Variants in NRG2 observed in about 807,000 individuals in gnomAD.
NRG2 encodes the protein neuregulin 2.
NRG2 carries 27 observed loss-of-function variants against 73.9 expected under a neutral mutation model. That is an observed-to-expected ratio of 0.37 (90% confidence interval 0.27 to 0.50). The LOEUF is 0.50. Among genes scored for constraint, NRG2 ranks in the 20% least tolerant of loss-of-function variants. NRG2 has a pLI of 0.96. For synonymous variants in NRG2, 532 were observed against 541.0 expected (o/e 0.98, Z 0.23); for missense variants, 1,126 against 1,210.1 (o/e 0.93, Z 1.03).
At chr5:140,011,463 T>C (rs1232979476) in intron 1 of NRG2, among the ~76,000 whole-genome samples, 1 of 152,168 alleles carries the variant, frequency 6.6e-6, no homozygotes, top group African/African-American at 2.4e-5. Context: ...ACAAAAGTGA[T>C]GGGAGGTCAG....
chr5:139,926,808 C>T (rs924732347), intron 1 of NRG2, among the ~76,000 whole-genome samples: 2 of 152,140 alleles, frequency 1.3e-5, no homozygotes, highest in Admixed American at 6.5e-5. Context: ...GTAAATCTGT[C>T]CAGCGATTGA....
At position 139,989,755 on chromosome 5, in the gene NRG2, GTTT is replaced by G. The variant is rs34260990; in HGVS notation, c.700+52612_700+52614del. Among the ~76,000 whole-genome samples, 182 of 114,268 alleles carry G rather than the reference GTTT, an allele frequency of 1.6e-3. 4 individuals carry two copies. Among genetic ancestry groups the G allele is most frequent in the Non-Finnish European group, 1.5e-3 (87 of 59,974 alleles). 75.0% of individuals were successfully genotyped at this position (114,268 alleles called of 152,430 possible). A position where few individuals can be genotyped will look rare whatever the true frequency, so the allele number is the denominator to read the frequency against. On this transcript the variant is annotated intron_variant, in intron 1 of 9. Coordinates refer to ENST00000361474, the MANE Select transcript of NRG2 (RefSeq NM_004883.3). ...ATGGGCATTGAAGATTTTTTGCTAG[GTTT>G]TTATTATTATTATTATTATTTATTT...
Position 139,848,165 on chromosome 5 carries a change from A to G in NRG2, c.2305T>C (p.Ser769Pro). 1 of 1,433,904 alleles carries G rather than the reference A, an allele frequency of 7.0e-7. No individual in the cohort carries two copies. The highest frequency in any genetic ancestry group is 9.1e-7 in the Non-Finnish European group (1 of 1,100,324). 88.8% of individuals were successfully genotyped at this position (1,433,904 alleles called of 1,614,324 possible). ...ARDSLSLSSGSGGGSASASDD... is the reference protein window; with the variant it reads ...ARDSLSLSSGPGGGSASASDD... ...GACGCCGAGGCTGAGCCGCCGCCCGAGCCGCTGCTCAGCGACAGCGAGTCC... is the reference window on the plus strand; with the variant it reads ...GACGCCGAGGCTGAGCCGCCGCCCGGGCCGCTGCTCAGCGACAGCGAGTCC... Residue 769 changes from serine (S) to proline (P), a missense_variant, in exon 10 of 10, where the codon TCG (serine) becomes CCG (proline). Ser to Pro is a moderately conservative substitution (Grantham distance 74, BLOSUM62 -1). Around this residue, in one of 3 missense-constraint regions of NRG2, gnomAD observed 402 missense variants for 357.8 expected, o/e 1.12. Coordinates refer to ENST00000361474, the MANE Select transcript of NRG2 (RefSeq NM_004883.3).
chr5:139,871,926 A>C lies in NRG2; in HGVS notation c.992-85T>G, dbSNP rs185634127. On this transcript the variant is annotated intron_variant, in intron 3 of 9. Coordinates refer to ENST00000361474, the MANE Select transcript of NRG2 (RefSeq NM_004883.3). ...TCATCTCCTTCATGCCCCACGTCAA[A>C]ACTGGAAGATGACCAGAGGCTGCAG... is the stretch of plus-strand genomic sequence containing the variant. The C allele has an allele frequency of 3.8e-5, 59 of 1,537,944 alleles. No individual in the cohort carries two copies. The East Asian group carries it at 6.8e-4, about 18-fold the overall frequency.
chr5:139,848,826 C>G, intron 9 of NRG2, 129 bp from the exon 10 acceptor site: 1 of 831,032 alleles, frequency 1.2e-6, no homozygotes, highest in South Asian at 2.0e-5. Flanking sequence ...ACCCCGCCTG[C>G]AAGAATGACG....
At chr5:139,864,652 C>T (rs1366736674) in intron 5 of NRG2, among the ~76,000 whole-genome samples, 2 of 151,996 alleles carry the variant, frequency 1.3e-5, no homozygotes, top group African/African-American at 4.8e-5. Context: ...CCTTAATTCC[C>T]CTTCCTTCCC....
rs1761835053 is a variant in NRG2, at chr5:139,856,803, C to A, written c.1190-1025G>T. The stretch of plus-strand genomic sequence containing the variant: ...CCCTTCATTCACGCACACACACCTG[C>A]ACACACAACATATGCACACACACAG... On this transcript the variant is annotated intron_variant, in intron 5 of 9. Coordinates refer to ENST00000361474, the MANE Select transcript of NRG2 (RefSeq NM_004883.3). This position sits in a 1 kb window ranked among gnomAD's most constrained non-coding sequence, Gnocchi z 4.2. Among the ~76,000 whole-genome samples, 1 of 152,190 alleles carries A rather than the reference C, an allele frequency of 6.6e-6. No individual in the cohort carries two copies. The highest frequency in any genetic ancestry group is 6.5e-5 in the Admixed American group (1 of 15,282).
Position 139,848,249 on chromosome 5 carries a change from G to C in NRG2, c.2221C>G (p.Arg741Gly). 4.4e-6 allele frequency: 5 copies of C among 1,126,850 alleles called. No individual in the cohort carries two copies. Among genetic ancestry groups the C allele is most frequent in the Non-Finnish European group, 5.4e-6 (5 of 922,738 alleles). The allele number at this position is 1,126,850 out of a possible 1,614,324, so 69.8% of individuals were successfully genotyped here. A position where few individuals can be genotyped will look rare whatever the true frequency, so the allele number is the denominator to read the frequency against. The change falls in exon 10 of 10, where the codon CGG becomes GGG. Residue 741 changes from arginine to glycine, a missense_variant. Transcript: ENST00000361474. ...GASRRTSAGPRRWRRSRLNGL... is the reference protein window; with the variant it reads ...GASRRTSAGPGRWRRSRLNGL... ...TTGAGGCGCGAGCGGCGCCAGCGCC[G>C]GGGCCCCGCCGACGTCCTGCGGGAC... is the stretch of plus-strand genomic sequence containing the variant.
At chr5:139,995,109 A>C (rs755294149) in intron 1 of NRG2, among the ~76,000 whole-genome samples, 10 of 152,338 alleles carry the variant, frequency 6.6e-5, no homozygotes, top group Non-Finnish European at 1.2e-4. Context: ...ATTGTAATAT[A>C]GTACTGCTGA....
intron 1 of NRG2, among the ~76,000 whole-genome samples, chr5:139,950,208 A>G (rs1038862762): frequency 6.6e-6 from 1 of 152,128 alleles, no homozygotes; most frequent in African/African-American, 2.4e-5. Flanking sequence ...CACACCACAG[A>G]CCAAACTCCC....
At chr5:140,011,993 C>T (rs562091267) in intron 1 of NRG2, among the ~76,000 whole-genome samples, 1 of 152,278 alleles carries the variant, frequency 6.6e-6, no homozygotes, top group Non-Finnish European at 1.5e-5. Flanking sequence ...GCCCCCAAGG[C>T]CCTACATGAT....
At chr5:139,921,197 AT>A (rs1213079394) in intron 1 of NRG2, among the ~76,000 whole-genome samples, 7 of 152,352 alleles carry the variant, frequency 4.6e-5, no homozygotes, top group African/African-American at 1.2e-4. Flanking sequence ...ATTCAATGCA[AT>A]TCCAACTAAA....
intron 1 of NRG2, among the ~76,000 whole-genome samples, chr5:140,010,440 T>C (rs1759271696): frequency 1.3e-5 from 2 of 152,218 alleles, no homozygotes; most frequent in Admixed American, 1.3e-4. Context: ...TGTAGGCTTA[T>C]CAATTGTAAC....
chr5:139,932,420 T>G (rs544771616), intron 1 of NRG2, among the ~76,000 whole-genome samples: 22 of 145,484 alleles, frequency 1.5e-4, no homozygotes, highest in Non-Finnish European at 2.8e-4. Flanking sequence ...ATTTTTTTTT[T>G]TAAAAAAAGC....
At chr5:139,973,820 A>C (rs1156371018) in intron 1 of NRG2, among the ~76,000 whole-genome samples, 1 of 152,184 alleles carries the variant, frequency 6.6e-6, no homozygotes, top group Non-Finnish European at 1.5e-5. Context: ...GATTGCCCTC[A>C]CAACGCGGCC....
intron 5 of NRG2, chr5:139,859,995 G>C: frequency 3.5e-6 from 5 of 1,430,120 alleles, no homozygotes; most frequent in Non-Finnish European, 4.9e-6. Flanking sequence ...GAGAGAGAGA[G>C]ACAGAAACGT....
intron 1 of NRG2, among the ~76,000 whole-genome samples, chr5:139,939,987 A>G (rs1409458617): frequency 6.6e-6 from 1 of 152,254 alleles, no homozygotes; most frequent in Non-Finnish European, 1.5e-5. Flanking sequence ...AGGTTGGGAA[A>G]GACATGGAGC....
intron 1 of NRG2, among the ~76,000 whole-genome samples, chr5:139,980,100 G>A (rs1756677001): frequency 6.6e-6 from 1 of 152,084 alleles, no homozygotes; most frequent in African/African-American, 2.4e-5. Context: ...GCTTATCACT[G>A]CCTCTTTCTT....
intron 1 of NRG2, among the ~76,000 whole-genome samples, chr5:139,991,427 G>A (rs1757619746): frequency 6.6e-6 from 1 of 151,912 alleles, no homozygotes; most frequent in Non-Finnish European, 1.5e-5. Context: ...TTAAGTTATG[G>A]GGTGTTTTTT....
Sources: allele counts gnomAD v4.1 joint callset (sites outside exome capture counted in the v4.1 genomes callset), GRCh38; gene constraint gnomAD v4.1.1; regional missense constraint gnomAD v4.1.1; non-coding constraint Gnocchi (gnomAD v3.1); transcripts MANE v1.5; gene names NCBI Gene and HGNC (gene_info 2026-07-23, HGNC 2026-07-21).